NPR3: variants seen among roughly 807,000 people sequenced by gnomAD.
NPR3 encodes atrial natriuretic peptide receptor 3.
In NPR3, 34 loss-of-function variants were observed where a neutral mutation model predicts 54.5. The ratio of observed to expected loss-of-function variants is 0.62; its 90% CI spans 0.47 to 0.83. NPR3 has a LOEUF of 0.83. Among genes scored for constraint, NPR3 ranks in the 40% least tolerant of loss-of-function variants. The pLI, the probability that NPR3 is intolerant of heterozygous loss-of-function variation, is 0.00. For synonymous variants in NPR3, 289 were observed against 297.1 expected, an observed-to-expected ratio of 0.97 and a Z score of 0.28; for missense variants, 674 against 720.8, an observed-to-expected ratio of 0.94 and a Z score of 0.74.
chr5:32,758,046 A>G (rs1740941454), intron 3 of NPR3, among the ~76,000 whole-genome samples: 2 of 137,508 alleles, frequency 1.5e-5, no homozygotes, highest in Admixed American at 1.4e-4. Context: ...CAGCAGGGAT[A>G]TTGGTCTAAA....
intron 3 of NPR3, 135 bp downstream of exon 3, chr5:32,739,165 CTGTGTG>C: frequency 2.8e-6 from 2 of 707,488 alleles, no homozygotes; most frequent in Non-Finnish European, 4.4e-6. Context: ...CTGTTGCCTT[CTGTGTG>C]TGTGTGTGTG....
rs957012549 is a variant in NPR3, at chr5:32,740,899, T to C, written c.1059+1869T>C. On this transcript the variant is annotated intron_variant, in intron 3 of 7. Coordinates refer to ENST00000265074, the MANE Select transcript of NPR3 (RefSeq NM_001204375.2). ...CTACGTTTAAGGAAACATGTGATAG[T>C]GTTGTCATCATCCAAATCCTTTGTC... 3.3e-5 allele frequency among the ~76,000 whole-genome samples: 5 copies of C among 151,938 alleles called. No individual in the cohort carries two copies. In the East Asian group the frequency reaches 9.7e-4, roughly 29 times the overall value.
chr5:32,709,150 C>T (rs1410721892), upstream of NPR3, among the ~76,000 whole-genome samples: 1 of 152,060 alleles, frequency 6.6e-6, no homozygotes, highest in Non-Finnish European at 1.5e-5. Context: ...CACTGAAACC[C>T]CAGACTCTCC....
At chr5:32,762,782 G>A (rs1269284621) in intron 3 of NPR3, among the ~76,000 whole-genome samples, 1 of 152,020 alleles carries the variant, frequency 6.6e-6, no homozygotes, top group Non-Finnish European at 1.5e-5. Flanking sequence ...TCTGTAGGTT[G>A]CCTGTTCACT....
intron 5 of NPR3, among the ~76,000 whole-genome samples, chr5:32,781,925 G>A (rs1579709279): frequency 6.6e-6 from 1 of 152,310 alleles, no homozygotes; most frequent in African/African-American, 2.4e-5. Flanking sequence ...ACCTCTGTCA[G>A]GAGAAGGGGA....
At chr5:32,749,393 T>C (rs540422511) in intron 3 of NPR3, among the ~76,000 whole-genome samples, 24 of 152,342 alleles carry the variant, frequency 1.6e-4, no homozygotes, top group African/African-American at 5.8e-4. Flanking sequence ...TTGATCTCTT[T>C]CTCTTTTATA....
chr5:32,691,774 C>T (rs939445869), intron 1 of NPR3, among the ~76,000 whole-genome samples: 1 of 152,168 alleles, frequency 6.6e-6, no homozygotes, highest in African/African-American at 2.4e-5. Flanking sequence ...TTCATCAGAG[C>T]AGTTTCTACT....
chr5:32,785,181 G>T (rs10076248), intron 7 of NPR3, among the ~76,000 whole-genome samples: 2 of 116,382 alleles, frequency 1.7e-5, no homozygotes, highest in African/African-American at 6.5e-5. Context: ...CGGAGTCTCA[G>T]TCCCCCTGTT....
chr5:32,724,886 A>G, intron 2 of NPR3, 66 bp downstream of exon 2: 3 of 1,576,202 alleles, frequency 1.9e-6, no homozygotes, highest in Non-Finnish European at 2.6e-6. Flanking sequence ...ATGCCCATGA[A>G]TGGTGGGTTG....
At chr5:32,728,629 A>T (rs574258215) in intron 2 of NPR3, among the ~76,000 whole-genome samples, 9 of 151,876 alleles carry the variant, frequency 5.9e-5, no homozygotes, top group Admixed American at 2.0e-4. Context: ...AAAACAGCTC[A>T]ACTCTGTATT....
chr5:32,741,507 A>G lies in NPR3; in HGVS notation c.1059+2477A>G, dbSNP rs114196233. ...TAATATTAAATCTTATTTTAATGGT[A>G]GTCTAAGCAAAATCTCACTGGAAAG... On this transcript the variant is annotated intron_variant, in intron 3 of 7. Coordinates refer to ENST00000265074, the MANE Select transcript of NPR3 (RefSeq NM_001204375.2). Among the ~76,000 whole-genome samples, 710 of 152,310 alleles carry G rather than the reference A, an allele frequency of 4.7e-3. 4 individuals are homozygous for G. The highest frequency in any genetic ancestry group is 0.016 in the African/African-American group (677 of 41,552).
Position 32,786,449 on chromosome 5 carries a change from A to G in NPR3, c.*104A>G. 3 of 652,288 alleles carry G rather than the reference A, an allele frequency of 4.6e-6. No individual in the cohort carries two copies. Among genetic ancestry groups the G allele is most frequent in the South Asian group, 3.7e-5 (2 of 53,644 alleles). The allele number at this position is 652,288 out of a possible 1,614,324, so 40.4% of individuals were successfully genotyped here. On this transcript the variant is annotated 3_prime_UTR_variant, in exon 8 of 8. Transcript: ENST00000265074. ...AAGGGGCGTTCTTGAAGAATTCATA[A>G]TTTTAAGCAGTTAGTAATTTCATTT... is the stretch of plus-strand genomic sequence containing the variant.
At chr5:32,756,133 G>A (rs575656263) in intron 3 of NPR3, among the ~76,000 whole-genome samples, 2 of 152,272 alleles carry the variant, frequency 1.3e-5, no homozygotes, top group East Asian at 3.9e-4. Context: ...GGGATGGCTG[G>A]GTCAAATGGT....
chr5:32,769,764 G>A (rs1057397123), intron 3 of NPR3, among the ~76,000 whole-genome samples: 1 of 152,208 alleles, frequency 6.6e-6, no homozygotes, highest in Non-Finnish European at 1.5e-5. Flanking sequence ...GGATTTGTCA[G>A]TTATCCAGCA....
chr5:32,768,290 G>A (rs1172736115), intron 3 of NPR3, among the ~76,000 whole-genome samples: 3 of 152,166 alleles, frequency 2.0e-5, no homozygotes, highest in Admixed American at 1.3e-4. Flanking sequence ...GGCCAGGAAC[G>A]ATTGTGTCAT....
intron 1 of NPR3, chr5:32,713,353 G>A (rs1347632545): frequency 1.0e-6 from 1 of 985,358 alleles, no homozygotes; most frequent in African/African-American, 1.7e-5. Flanking sequence ...ACTGGACAAA[G>A]AGCTCGAGGC....
At chr5:32,739,797 G>A (rs146493931) in intron 3 of NPR3, among the ~76,000 whole-genome samples, 23 of 152,296 alleles carry the variant, frequency 1.5e-4, no homozygotes, top group Non-Finnish European at 2.5e-4. Context: ...TGAGTGATGG[G>A]CACCTTGGGC....
At position 32,712,434 on chromosome 5, in the gene NPR3, G is replaced by T; in HGVS notation, c.658G>T (p.Val220Phe). 6.2e-7 allele frequency: 1 copy of T among 1,612,258 alleles called. No individual in the cohort carries two copies. Among genetic ancestry groups the T allele is most frequent in the Non-Finnish European group, 8.5e-7 (1 of 1,179,366 alleles). Residue 220 changes from valine (V) to phenylalanine (F), a missense_variant, in exon 1 of 8, where the codon GTC (valine) becomes TTC (phenylalanine). Val to Phe is a conservative substitution (Grantham distance 50). Coordinates refer to ENST00000265074, the MANE Select transcript of NPR3 (RefSeq NM_001204375.2). Reference sequence around the variant, plus strand: ...GAACTGCTACTTCACCCTCGAGGGGGTCCACGAGGTCTTCCAGGAGGAGGG... The same window carrying T: ...GAACTGCTACTTCACCCTCGAGGGGTTCCACGAGGTCTTCCAGGAGGAGGG... ...ERNCYFTLEG[V>F]HEVFQEEGLH...
intron 1 of NPR3, among the ~76,000 whole-genome samples, chr5:32,723,932 A>G (rs1400618278): frequency 2.0e-5 from 3 of 150,826 alleles, no homozygotes; most frequent in Non-Finnish European, 3.0e-5. Flanking sequence ...CCATCTACCT[A>G]TCATCTATCA....
Sources: allele counts gnomAD v4.1 joint callset (sites outside exome capture counted in the v4.1 genomes callset), GRCh38; gene constraint gnomAD v4.1.1; transcripts MANE v1.5; gene names NCBI Gene and HGNC (gene_info 2026-07-23, HGNC 2026-07-21).